The following NRXN3 variants were observed in gnomAD, a reference collection of about 807,000 sequenced individuals.
NRXN3 encodes the protein neurexin 3.
Under a neutral mutation model 137.6 loss-of-function variants are expected in NRXN3, and 32 were observed. That is an observed-to-expected ratio of 0.23 (90% CI 0.18 to 0.31). NRXN3 has a LOEUF of 0.31. NRXN3 is among the 10% of genes least tolerant of loss of function. The probability of loss-of-function intolerance (pLI) is 1.00; values close to 1 mark genes in which losing one functional copy is unlikely to be tolerated. For synonymous variants in NRXN3, 798 were observed against 784.5 expected, an observed-to-expected ratio of 1.02 and a Z score of -0.29; for missense variants, 1,574 against 2,062.5, an observed-to-expected ratio of 0.76 and a Z score of 4.59.
At chr14:79,227,224 T>C (rs2370937) in intron 15 of NRXN3, among the ~76,000 whole-genome samples, 143,895 of 152,200 alleles carry the variant, frequency 0.95, 68,391 homozygotes, top group East Asian at 1. Flanking sequence ...TACCTGGCGT[T>C]GTTCTAGACA....
Position 78,714,761 on chromosome 14 carries a change from A to T in NRXN3, c.1666A>T (p.Ile556Leu), listed in dbSNP as rs766107412. 6.2e-7 allele frequency: 1 copy of T among 1,613,480 alleles called. No individual in the cohort carries two copies. Among genetic ancestry groups the T allele is most frequent in the Non-Finnish European group, 8.5e-7 (1 of 1,179,532 alleles). ...GATCTGTCTTCCCACCCCAGGTACT[A>T]TATCAGTGAACAGCAGGCGCACGCC... ...DIQRDGRSGT[I>L]SVNSRRTPFT... Residue 556 changes from isoleucine (I) to leucine (L), a missense_variant, in exon 8 of 21, where the codon ATA (isoleucine) becomes TTA (leucine). Coordinates refer to ENST00000335750, the MANE Select transcript of NRXN3 (RefSeq NM_001330195.2).
chr14:78,689,447 A>G (rs1454315700), intron 6 of NRXN3, among the ~76,000 whole-genome samples: 1 of 152,178 alleles, frequency 6.6e-6, no homozygotes, highest in Non-Finnish European at 1.5e-5. Context: ...TTAAATGCTT[A>G]CTTTAAACAT....
At chr14:78,595,376 G>A (rs1282982217) in intron 4 of NRXN3, among the ~76,000 whole-genome samples, 1 of 152,160 alleles carries the variant, frequency 6.6e-6, no homozygotes, top group African/African-American at 2.4e-5. Flanking sequence ...GCTTGTCATT[G>A]AGCTAGTACA....
At chr14:79,470,937 AGAAAGAGAGAGAGAGTGTGTGTGTGT>A (rs1567214253) in intron 16 of NRXN3, among the ~76,000 whole-genome samples, 3 of 89,090 alleles carry the variant, frequency 3.4e-5, no homozygotes, top group African/African-American at 1.3e-4. Flanking sequence ...AGAGAGAGAG[AGAAAGAGAGAGAGAGTGTGTGTGTGT>A]GTGTGTGTGT....
chr14:78,974,709 C>A (rs1311159092), intron 14 of NRXN3, among the ~76,000 whole-genome samples: 1 of 151,876 alleles, frequency 6.6e-6, no homozygotes, highest in African/African-American at 2.4e-5. Context: ...TTGGGGCCGT[C>A]TTACTCTTTC....
At chr14:78,703,392 A>G (rs558360892) in intron 6 of NRXN3, among the ~76,000 whole-genome samples, 2 of 152,288 alleles carry the variant, frequency 1.3e-5, no homozygotes, top group South Asian at 4.1e-4. Flanking sequence ...CAGAAGCAAG[A>G]TTCTTTCACA....
chr14:78,913,223 T>A (rs2152792704), intron 10 of NRXN3, among the ~76,000 whole-genome samples: 1 of 151,622 alleles, frequency 6.6e-6, no homozygotes, highest in Admixed American at 6.6e-5. Flanking sequence ...CTCTAAGATT[T>A]TTTTCTTTTT....
Position 78,907,949 on chromosome 14 carries a change from A to G in NRXN3, c.2276-49293A>G, listed in dbSNP as rs538617051. Among the ~76,000 whole-genome samples, 11 of 152,160 alleles carry G rather than the reference A, an allele frequency of 7.2e-5. No homozygotes were observed. The South Asian group carries it at 1.0e-3, about 14-fold the overall frequency. On this transcript the variant is annotated intron_variant, in intron 10 of 20. Transcript: ENST00000335750. ...AGGATAATGGCCTCCAGCTCCACCC[A>G]TGTCCCTGCAAAAGACAAGATCTTG...
At chr14:79,273,126 CA>C (rs1183843132) in intron 15 of NRXN3, among the ~76,000 whole-genome samples, 6 of 137,214 alleles carry the variant, frequency 4.4e-5, no homozygotes, top group African/African-American at 1.4e-4. Context: ...GAGCAGAGAT[CA>C]CGCCACTGCA....
At chr14:79,295,367 T>A (rs185738051) in intron 15 of NRXN3, among the ~76,000 whole-genome samples, 1 of 152,172 alleles carries the variant, frequency 6.6e-6, no homozygotes, top group East Asian at 1.9e-4. Context: ...GCACTCTTTT[T>A]TAGAAGGATC....
Position 79,004,964 on chromosome 14 carries a change from T to C in NRXN3, c.3262+16823T>C, listed in dbSNP as rs2099549379. On this transcript the variant is annotated intron_variant, in intron 15 of 20. Coordinates refer to ENST00000335750, the MANE Select transcript of NRXN3 (RefSeq NM_001330195.2). ...CCTTCTTCTCACTCCATCCTTTGCA[T>C]TGTCCTTGGTGACTTAAGTTTTCAT... Among the ~76,000 whole-genome samples the C allele has an allele frequency of 2.0e-5, 3 of 152,198 alleles. 1 individual carries two copies. The South Asian group carries it at 6.2e-4, about 31-fold the overall frequency.
intron 10 of NRXN3, among the ~76,000 whole-genome samples, chr14:78,869,255 T>C (rs1282671866): frequency 3.9e-5 from 6 of 152,294 alleles, no homozygotes; most frequent in African/African-American, 1.4e-4. Context: ...TTTAACCATT[T>C]CTCTTCTTCA....
chr14:78,374,211 A>G (rs1382027424), intron 4 of NRXN3, among the ~76,000 whole-genome samples: 2 of 152,210 alleles, frequency 1.3e-5, no homozygotes, highest in Non-Finnish European at 2.9e-5. Flanking sequence ...TAGAGAAACA[A>G]CTTCTGAAGT....
chr14:79,248,510 C>G lies in NRXN3; in HGVS notation c.3263-218711C>G, dbSNP rs1213028442. 2.0e-5 allele frequency: 3 copies of G among 152,606 alleles called. No homozygotes were observed. The East Asian group carries it at 5.8e-4, about 29-fold the overall frequency. The allele number at this position is 152,606 out of a possible 1,614,324, so 9.5% of individuals were successfully genotyped here. On this transcript the variant is annotated intron_variant, in intron 15 of 20. Coordinates refer to ENST00000335750, the MANE Select transcript of NRXN3 (RefSeq NM_001330195.2). Reference sequence around the variant, plus strand: ...CCCCAGCTTTCCTGCTCCCCCATCCCCTGTAGTCCTTCTAGTTTTCCTGTG... The same window carrying G: ...CCCCAGCTTTCCTGCTCCCCCATCCGCTGTAGTCCTTCTAGTTTTCCTGTG...
At chr14:78,872,923 C>T (rs1297185014) in intron 10 of NRXN3, among the ~76,000 whole-genome samples, 1 of 152,126 alleles carries the variant, frequency 6.6e-6, no homozygotes, top group African/African-American at 2.4e-5. Context: ...CAGCCTGAGC[C>T]TCTTCAAGTC....
At chr14:78,889,775 T>C (rs1007741366) in intron 10 of NRXN3, among the ~76,000 whole-genome samples, 2 of 151,970 alleles carry the variant, frequency 1.3e-5, no homozygotes, top group African/African-American at 4.8e-5. Context: ...GGGAGGTAGA[T>C]AGGTGTCCCC....
Position 78,685,590 on chromosome 14 carries a change from C to T in NRXN3, c.1222-23627C>T, listed in dbSNP as rs1295133720. ...TGTCATTACTCAAATGTCTGTATGG[C>T]TTGTTCTCTCATGTTTCCAAAGCTC... On this transcript the variant is annotated intron_variant, in intron 6 of 20. Coordinates refer to ENST00000335750, the MANE Select transcript of NRXN3 (RefSeq NM_001330195.2). Among the ~76,000 whole-genome samples the T allele has an allele frequency of 5.4e-5, 8 of 147,616 alleles. 1 individual carries two copies. Among genetic ancestry groups the T allele is most frequent in the Non-Finnish European group, 1.0e-4 (7 of 67,286 alleles).
At chr14:79,825,193 A>G (rs2099290930) in intron 20 of NRXN3, among the ~76,000 whole-genome samples, 1 of 137,780 alleles carries the variant, frequency 7.3e-6, no homozygotes, top group African/African-American at 2.7e-5. Flanking sequence ...TTGGTGAAAT[A>G]ATTCTTTGTG....
At position 79,578,826 on chromosome 14, in the gene NRXN3, C is replaced by G. The variant is rs544273274; in HGVS notation, c.3445-84952C>G. Among the ~76,000 whole-genome samples the G allele has an allele frequency of 1.3e-4, 20 of 152,254 alleles. 1 individual carries two copies. The highest frequency in any genetic ancestry group is 9.8e-4 in the Admixed American group (15 of 15,302). On this transcript the variant is annotated intron_variant, in intron 16 of 20. Transcript: ENST00000335750. ...TTTGTAGTCAGGGTGGGTGTGTTTA[C>G]AAGGGATACAATCCCCTCAAGTCAA...
Sources: gnomAD v4.1 joint callset for allele counts (sites outside exome capture counted in the v4.1 genomes callset) on GRCh38, gnomAD v4.1.1 for gene constraint, MANE v1.5 for transcripts, NCBI Gene and HGNC (gene_info 2026-07-23, HGNC 2026-07-21) for gene names.